The following RORA variants were observed in gnomAD, a reference collection of about 807,000 sequenced individuals.
RORA encodes nuclear receptor ROR-alpha.
RORA carries 7 observed loss-of-function variants against 69.5 expected under a neutral mutation model. The observed-to-expected ratio is 0.10, with a 90% confidence interval of 0.06 to 0.19. The LOEUF is 0.19. Among genes scored for constraint, RORA ranks in the 10% least tolerant of loss-of-function variants. The pLI is 1.00. For missense variants in RORA, 457 were observed against 663.0 expected (o/e 0.69, Z 3.41); for synonymous variants, 261 against 240.8 (o/e 1.08, Z -0.78).
intron 2 of RORA, among the ~76,000 whole-genome samples, chr15:60,575,254 C>T (rs1490235738): frequency 6.6e-6 from 1 of 152,196 alleles, no homozygotes; most frequent in East Asian, 1.9e-4. Flanking sequence ...CTTTTTCCTT[C>T]CCATTTGACT....
chr15:60,828,308 A>C (rs1195447691), intron 1 of RORA, among the ~76,000 whole-genome samples: 1 of 152,196 alleles, frequency 6.6e-6, no homozygotes, highest in Non-Finnish European at 1.5e-5. Context: ...GTAGGTGAAG[A>C]AGGTGGCCCT....
chr15:60,711,734 G>T (rs1159434852), intron 1 of RORA, among the ~76,000 whole-genome samples: 1 of 152,186 alleles, frequency 6.6e-6, no homozygotes, highest in South Asian at 2.1e-4. Flanking sequence ...GCTTAAGAAA[G>T]AAGATATTTC....
At chr15:60,497,664 A>G (rs1206892510) in intron 10 of RORA, 45 bp from the exon 11 acceptor site, 65 of 1,489,592 alleles carry the variant, frequency 4.4e-5, no homozygotes, top group Non-Finnish European at 5.6e-5. Context: ...GAACAGGCAT[A>G]AGCATCAAAG....
intron 1 of RORA, among the ~76,000 whole-genome samples, chr15:61,206,619 T>A (rs920199771): frequency 2.0e-5 from 3 of 152,120 alleles, no homozygotes; most frequent in Non-Finnish European, 4.4e-5. Flanking sequence ...GATATGGCAT[T>A]TTTTTCCTAT....
chr15:61,212,679 AC>A (rs1277742247), intron 1 of RORA, among the ~76,000 whole-genome samples: 1 of 152,190 alleles, frequency 6.6e-6, no homozygotes, highest in African/African-American at 2.4e-5. Flanking sequence ...GGCGTGAGCC[AC>A]CATGCCAGGC....
chr15:60,569,962 A>C (rs183346783), intron 2 of RORA, among the ~76,000 whole-genome samples: 68 of 152,344 alleles, frequency 4.5e-4, no homozygotes, highest in Admixed American at 1.3e-3. Flanking sequence ...CACTCGTTAA[A>C]AAGGAAGATG....
At chr15:61,056,840 G>T (rs992315904) in intron 1 of RORA, among the ~76,000 whole-genome samples, 1 of 152,202 alleles carries the variant, frequency 6.6e-6, no homozygotes, top group Non-Finnish European at 1.5e-5. Flanking sequence ...GCTGAGTACA[G>T]ATAAAAATAC....
intron 2 of RORA, among the ~76,000 whole-genome samples, chr15:60,672,606 C>G (rs1327460391): frequency 6.6e-6 from 1 of 152,190 alleles, no homozygotes; most frequent in Admixed American, 6.5e-5. Context: ...GCAATCTACT[C>G]TGTTTTGACT....
chr15:60,554,974 C>G (rs912540192), intron 2 of RORA, among the ~76,000 whole-genome samples: 1 of 151,978 alleles, frequency 6.6e-6, no homozygotes, highest in Admixed American at 6.6e-5. Context: ...TGTAATAAGT[C>G]TCTGTGGCCA....
At chr15:61,051,149 G>A (rs1897273221) in intron 1 of RORA, among the ~76,000 whole-genome samples, 1 of 152,218 alleles carries the variant, frequency 6.6e-6, no homozygotes, top group South Asian at 2.1e-4. Context: ...GGCTGCATCT[G>A]AGCAGGGTGT....
intron 2 of RORA, among the ~76,000 whole-genome samples, chr15:60,672,986 A>G (rs1474708927): frequency 6.6e-6 from 1 of 152,198 alleles, no homozygotes; most frequent in Admixed American, 6.5e-5. Flanking sequence ...CAAGTATGTA[A>G]TAAGTCTATC....
chr15:60,902,017 C>T lies in RORA; in HGVS notation c.167-223331G>A, dbSNP rs1891406036. 3.9e-5 allele frequency among the ~76,000 whole-genome samples: 6 copies of T among 152,180 alleles called. No individual in the cohort carries two copies. The South Asian group carries it at 1.0e-3, about 26-fold the overall frequency. On this transcript the variant is annotated intron_variant, in intron 1 of 10. Transcript: ENST00000335670. ...GGTGCCTCAGCTCACACCTTGGGAA[C>T]CCGGAGGCTAATTAACCATAGTGAA... is the stretch of plus-strand genomic sequence containing the variant.
At chr15:60,910,804 T>C (rs1021747079) in intron 1 of RORA, among the ~76,000 whole-genome samples, 10 of 151,996 alleles carry the variant, frequency 6.6e-5, no homozygotes, top group African/African-American at 2.4e-4. Context: ...CCCCACACTG[T>C]CAGTCATGTC....
chr15:61,092,288 T>C (rs2140716377), intron 1 of RORA, among the ~76,000 whole-genome samples: 1 of 152,308 alleles, frequency 6.6e-6, no homozygotes, highest in African/African-American at 2.4e-5. Flanking sequence ...CAAAAAAATG[T>C]GAAATAAAAC....
intron 1 of RORA, among the ~76,000 whole-genome samples, chr15:61,062,287 T>G (rs1413541197): frequency 1.3e-5 from 2 of 152,190 alleles, no homozygotes; most frequent in Non-Finnish European, 2.9e-5. Context: ...GTTTGTCTTT[T>G]TCTTAGTCCT....
chr15:60,913,861 T>G (rs1030164223), intron 1 of RORA, among the ~76,000 whole-genome samples: 1 of 152,210 alleles, frequency 6.6e-6, no homozygotes, highest in Non-Finnish European at 1.5e-5. Context: ...GAAAATTATC[T>G]TTCCTGTTTT....
chr15:60,970,863 C>G lies in RORA; in HGVS notation c.166+258190G>C, dbSNP rs575507903. 8.5e-5 allele frequency among the ~76,000 whole-genome samples: 13 copies of G among 152,058 alleles called. No individual in the cohort carries two copies. In the South Asian group the frequency reaches 2.7e-3, roughly 32 times the overall value. On this transcript the variant is annotated intron_variant, in intron 1 of 10. Transcript: ENST00000335670. ...CTCTAAAATGAAAAGAACTGTGAAG[C>G]AATTAAGCAAAAATGGAAGGGCCTT...
At chr15:60,626,358 A>T (rs1300505529) in intron 2 of RORA, among the ~76,000 whole-genome samples, 1 of 152,104 alleles carries the variant, frequency 6.6e-6, no homozygotes, top group Non-Finnish European at 1.5e-5. Context: ...CTGACCAGGG[A>T]TCGTTTTGAA....
intron 1 of RORA, among the ~76,000 whole-genome samples, chr15:61,030,243 A>T (rs1387549233): frequency 1.3e-5 from 2 of 152,188 alleles, no homozygotes; most frequent in Non-Finnish European, 2.9e-5. Flanking sequence ...CCTGATTGAG[A>T]CAATGGGTGA....
Sources: allele counts gnomAD v4.1 joint callset (sites outside exome capture counted in the v4.1 genomes callset), GRCh38; gene constraint gnomAD v4.1.1; transcripts MANE v1.5; gene names NCBI Gene and HGNC (gene_info 2026-07-23, HGNC 2026-07-21).